The following SBF2 variants were observed in gnomAD, a reference collection of about 807,000 sequenced individuals.
The protein encoded by SBF2 is SET binding factor 2, also known as myotubularin-related protein 13.
A neutral mutation model predicts 225.2 loss-of-function variants in SBF2; 112 were observed. The ratio of observed to expected loss-of-function variants is 0.50; its 90% CI spans 0.43 to 0.58. The LOEUF (loss-of-function observed/expected upper bound fraction) is 0.58. Ranked by LOEUF, SBF2 falls within the 20% of genes least tolerant of loss-of-function variation. The pLI, the probability that SBF2 is intolerant of heterozygous loss-of-function variation, is 0.00. For synonymous variants in SBF2, 763 were observed against 773.3 expected (o/e 0.99, Z 0.22); for missense variants, 1,996 against 2,206.2 (o/e 0.90, Z 1.91).
rs894128141 is a variant in SBF2 at position 10,294,207 on chromosome 11, C to A, written c.-138G>T. 1 of 603,710 alleles carries A rather than the reference C, an allele frequency of 1.7e-6. No homozygotes were observed. The highest frequency in any genetic ancestry group is 5.2e-4 in the Middle Eastern group (1 of 1,906). 37.4% of individuals were successfully genotyped at this position (603,710 alleles called of 1,614,324 possible). ...CAGCGCTTCAGCCATGTTTGACAAC[C>A]GAGGCGCGCTCTGCGCTTGCGCGGC... On this transcript the variant is annotated 5_prime_UTR_variant, in exon 1 of 40. Coordinates refer to ENST00000256190, the MANE Select transcript of SBF2 (RefSeq NM_030962.4).
chr11:10,068,426 C>A (rs893239306), intron 2 of SBF2, among the ~76,000 whole-genome samples: 1 of 152,144 alleles, frequency 6.6e-6, no homozygotes, highest in African/African-American at 2.4e-5. Flanking sequence ...TTTAGAAATA[C>A]TGTTTTCCTA....
chr11:9,861,215 C>A (rs999164063), intron 17 of SBF2, among the ~76,000 whole-genome samples: 4 of 152,112 alleles, frequency 2.6e-5, no homozygotes, highest in African/African-American at 9.7e-5. Flanking sequence ...TTTCTTTCTT[C>A]TTTTTGGAGA....
At chr11:10,037,566 G>A (rs777878504) in intron 3 of SBF2, among the ~76,000 whole-genome samples, 2 of 151,842 alleles carry the variant, frequency 1.3e-5, no homozygotes, top group Non-Finnish European at 1.5e-5. Flanking sequence ...TGACAAAACA[G>A]GAAATACATG....
intron 2 of SBF2, among the ~76,000 whole-genome samples, chr11:10,096,724 C>A (rs950064307): frequency 1.3e-5 from 2 of 152,126 alleles, no homozygotes; most frequent in African/African-American, 4.8e-5. Context: ...CTCAATAGTA[C>A]ATTTGTGACA....
At chr11:10,218,984 T>C (rs1348589408) in intron 1 of SBF2, among the ~76,000 whole-genome samples, 2 of 152,152 alleles carry the variant, frequency 1.3e-5, no homozygotes, top group Non-Finnish European at 2.9e-5. Context: ...AGGTGCATAG[T>C]GCAAGCTGTC....
At chr11:9,805,650 C>A (rs1052258988) in intron 32 of SBF2, among the ~76,000 whole-genome samples, 1 of 152,034 alleles carries the variant, frequency 6.6e-6, no homozygotes, top group South Asian at 2.1e-4. Context: ...CAAGACGGAG[C>A]CTCGCTCTGT....
At chr11:10,008,020 C>T (rs1406400958) in intron 6 of SBF2, among the ~76,000 whole-genome samples, 1 of 152,164 alleles carries the variant, frequency 6.6e-6, no homozygotes, top group African/African-American at 2.4e-5. Flanking sequence ...GAAAGTGATT[C>T]CATTATGGAG....
At chr11:10,251,161 C>T (rs768580688) in intron 1 of SBF2, among the ~76,000 whole-genome samples, 1 of 152,022 alleles carries the variant, frequency 6.6e-6, no homozygotes, top group Admixed American at 6.6e-5. Flanking sequence ...GATGAAGGCC[C>T]GATGTAGATG....
At chr11:10,138,874 T>A (rs1349994316) in intron 2 of SBF2, among the ~76,000 whole-genome samples, 3 of 152,214 alleles carry the variant, frequency 2.0e-5, no homozygotes, top group African/African-American at 7.2e-5. Context: ...GTATTTACCA[T>A]GAACATTTGA....
intron 2 of SBF2, among the ~76,000 whole-genome samples, chr11:10,162,143 T>C (rs751380036): frequency 1.3e-5 from 2 of 150,722 alleles, no homozygotes; most frequent in Non-Finnish European, 2.9e-5. Flanking sequence ...TTTGACAACA[T>C]CACAAAGTTA....
At chr11:9,850,909 A>G (rs1165095371) in intron 21 of SBF2, among the ~76,000 whole-genome samples, 4 of 152,074 alleles carry the variant, frequency 2.6e-5, no homozygotes, top group Admixed American at 2.0e-4. Context: ...GTTGAGGCAG[A>G]TGGATCACCT....
chr11:9,975,212 A>C (rs1391695425), intron 13 of SBF2, among the ~76,000 whole-genome samples: 1 of 152,138 alleles, frequency 6.6e-6, no homozygotes, highest in East Asian at 1.9e-4. Flanking sequence ...AAACTTATGC[A>C]AATGTTTGGG....
intron 1 of SBF2, among the ~76,000 whole-genome samples, chr11:10,286,129 A>G (rs1963756150): frequency 6.6e-6 from 1 of 151,564 alleles, no homozygotes; most frequent in Admixed American, 6.6e-5. Flanking sequence ...CGCCCAGCCA[A>G]AAGAGATTTT....
chr11:10,058,722 T>C (rs1461611896), intron 2 of SBF2, among the ~76,000 whole-genome samples: 2 of 152,102 alleles, frequency 1.3e-5, no homozygotes, highest in Non-Finnish European at 2.9e-5. Context: ...CATCAGATTT[T>C]CAAAATGAAA....
chr11:9,967,198 C>T (rs1408017492), intron 14 of SBF2, among the ~76,000 whole-genome samples: 2 of 151,908 alleles, frequency 1.3e-5, no homozygotes, highest in Non-Finnish European at 1.5e-5. Context: ...AGTGAAACCC[C>T]GTCTCTACTA....
intron 1 of SBF2, among the ~76,000 whole-genome samples, chr11:10,217,800 G>A (rs1300331223): frequency 6.6e-6 from 1 of 151,994 alleles, no homozygotes; most frequent in East Asian, 1.9e-4. Context: ...GACCGAGACT[G>A]GTTAATTTAT....
At chr11:9,881,189 T>C (rs905852020) in intron 17 of SBF2, among the ~76,000 whole-genome samples, 7 of 152,226 alleles carry the variant, frequency 4.6e-5, no homozygotes, top group Admixed American at 3.9e-4. Flanking sequence ...AATATTTAAA[T>C]GAACCGAATG....
intron 16 of SBF2, among the ~76,000 whole-genome samples, chr11:9,952,878 A>G (rs1865938777): frequency 6.6e-6 from 1 of 152,198 alleles, no homozygotes; most frequent in African/African-American, 2.4e-5. Context: ...TAATCAAAAA[A>G]TAATATATAT....
chr11:9,827,026 C>G (rs565046159), intron 28 of SBF2, among the ~76,000 whole-genome samples: 7 of 152,202 alleles, frequency 4.6e-5, no homozygotes, highest in African/African-American at 1.4e-4. Flanking sequence ...TTAGTAGAGA[C>G]AGGGTTTCAC....
Sources: allele counts gnomAD v4.1 joint callset (sites outside exome capture counted in the v4.1 genomes callset), GRCh38; gene constraint gnomAD v4.1.1; transcripts MANE v1.5; gene names NCBI Gene and HGNC (gene_info 2026-07-23, HGNC 2026-07-21).